Variants in CIB1 observed in about 807,000 individuals in gnomAD.
CIB1 encodes the protein calcium and integrin-binding protein 1.
In CIB1, 19 loss-of-function variants were observed where a neutral mutation model predicts 25.0. The ratio of observed to expected loss-of-function variants is 0.76; its 90% CI spans 0.53 to 1.12. The LOEUF is 1.12. CIB1 is among the 50% of genes most tolerant of loss of function. The pLI is 0.00. For missense variants in CIB1, 236 were observed against 242.6 expected, an observed-to-expected ratio of 0.97 and a Z score of 0.18; for synonymous variants, 104 against 98.5, an observed-to-expected ratio of 1.06 and a Z score of -0.33.
At chr15:90,262,680 T>C in the CIB1 span, 1 of 1,467,576 alleles carries the variant, frequency 6.8e-7, no homozygotes, top group Non-Finnish European at 9.0e-7. Flanking sequence ...GTGCCAGGGG[T>C]TTTGTAGCTC....
the CIB1 span, chr15:90,253,425 C>T: frequency 5.3e-6 from 7 of 1,327,830 alleles, no homozygotes; most frequent in East Asian, 2.4e-5. Flanking sequence ...TGACTATTCC[C>T]ACCTCCTTGC....
the CIB1 span, among the ~76,000 whole-genome samples, chr15:90,249,082 G>C: frequency 6.6e-6 from 1 of 152,044 alleles, no homozygotes; most frequent in Non-Finnish European, 1.5e-5. Flanking sequence ...GTGGTGGCAC[G>C]CTCCTGTAGT....
Position 90,232,262 on chromosome 15 carries a change from GCCCGAAGT to G in CIB1, c.144_151del (p.Leu49ThrfsTer36). The G allele has an allele frequency of 6.2e-7, 1 of 1,613,006 alleles. No individual in the cohort carries two copies. Among genetic ancestry groups the G allele is most frequent in the Non-Finnish European group, 8.5e-7 (1 of 1,179,154 alleles). On this transcript the variant is annotated frameshift_variant, in exon 3 of 7. Transcript: ENST00000328649. LOFTEE classifies it high-confidence loss of function. ...GAGAATCTGCTCGAAGGGCACTTGT[GCCCGAAGT>G]GACGACTCCACGCTCCGCTGCTCCT...
At chr15:90,259,046 A>G in the CIB1 span, 2 of 1,552,454 alleles carry the variant, frequency 1.3e-6, no homozygotes, top group Non-Finnish European at 1.7e-6. Flanking sequence ...TTTTGCATAG[A>G]TAATATGTTC....
chr15:90,244,842 T>C, the CIB1 span: 1 of 152,084 alleles, frequency 6.6e-6, no homozygotes, highest in African/African-American at 2.4e-5. Context: ...ACATAAAGTC[T>C]TGGGTCCAGC....
At chr15:90,257,160 A>G in the CIB1 span, 1 of 1,613,502 alleles carries the variant, frequency 6.2e-7, no homozygotes, top group South Asian at 1.1e-5. Flanking sequence ...GATGGCTTCA[A>G]GTTTGATATG....
chr15:90,262,081 C>G, the CIB1 span: 1 of 1,536,066 alleles, frequency 6.5e-7, no homozygotes, highest in Non-Finnish European at 8.7e-7. Flanking sequence ...TGGGAAAATA[C>G]CGGCGGATCT....
chr15:90,256,474 A>G, the CIB1 span, among the ~76,000 whole-genome samples: 1 of 152,056 alleles, frequency 6.6e-6, no homozygotes, highest in Non-Finnish European at 1.5e-5. Context: ...GTTGAATCTC[A>G]GTTTCCACTT....
the CIB1 span, chr15:90,253,239 G>A: frequency 1.2e-6 from 2 of 1,606,230 alleles, no homozygotes; most frequent in Non-Finnish European, 1.7e-6. Flanking sequence ...TGATCTCCCT[G>A]TCTCTGCAGT....
chr15:90,257,803 T>C, the CIB1 span: 4 of 1,400,198 alleles, frequency 2.9e-6, no homozygotes, highest in Non-Finnish European at 4.0e-6. Context: ...AAGCTGGCTC[T>C]TGGGAGGCTA....
chr15:90,262,587 C>T, the CIB1 span: 6 of 1,534,712 alleles, frequency 3.9e-6, no homozygotes, highest in Middle Eastern at 5.0e-4. Flanking sequence ...GGTGAATCAG[C>T]TGGGGAGAAA....
upstream of CIB1, chr15:90,235,989 T>G (rs1420505655): frequency 6.6e-6 from 1 of 152,212 alleles, no homozygotes; most frequent in African/African-American, 2.4e-5. Flanking sequence ...TAGACCTTGT[T>G]TGCCTCTTAC....
chr15:90,264,874 T>C, the CIB1 span: 4 of 1,536,094 alleles, frequency 2.6e-6, no homozygotes, highest in Non-Finnish European at 3.5e-6. Context: ...TGGTAAACTC[T>C]GAACACAGAG....
At chr15:90,230,613 C>G in intron 6 of CIB1, 108 bp from the exon 7 acceptor site, 3 of 1,212,960 alleles carry the variant, frequency 2.5e-6, no homozygotes, top group Non-Finnish European at 3.6e-6. Context: ...GGGCTATGTT[C>G]CGTGTGTCAG....
chr15:90,259,002 G>A, the CIB1 span: 2 of 1,609,490 alleles, frequency 1.2e-6, no homozygotes, highest in South Asian at 1.1e-5. Flanking sequence ...GATGAAGAAT[G>A]TGGCCTGGGG....
At chr15:90,239,777 C>T in the CIB1 span, among the ~76,000 whole-genome samples, 6 of 152,140 alleles carry the variant, frequency 3.9e-5, no homozygotes, top group Admixed American at 1.3e-4. Context: ...GGTGCGATCT[C>T]GGCAGTGCCT....
chr15:90,241,592 GC>G, the CIB1 span: 1 of 1,613,590 alleles, frequency 6.2e-7, no homozygotes, highest in Admixed American at 1.7e-5. Context: ...CCCACAGACT[GC>G]CCGTGGAGCA....
chr15:90,238,404 T>C (rs934215860), upstream of CIB1: 1 of 152,260 alleles, frequency 6.6e-6, no homozygotes, highest in African/African-American at 2.4e-5. Flanking sequence ...TCTTGCAAAC[T>C]AAGCCTCAAT....
intron 2 of CIB1, 90 bp downstream of exon 2, chr15:90,233,579 G>A (rs1962557879): frequency 2.0e-6 from 3 of 1,488,694 alleles, no homozygotes; most frequent in Admixed American, 2.0e-5. Flanking sequence ...CAGACCTCAG[G>A]CCAGCCCCCG....
Sources: gnomAD v4.1 joint callset for allele counts (sites outside exome capture counted in the v4.1 genomes callset) on GRCh38, gnomAD v4.1.1 for gene constraint, MANE v1.5 for transcripts, NCBI Gene and HGNC (gene_info 2026-07-23, HGNC 2026-07-21) for gene names.